CELF2: variants seen among roughly 807,000 people sequenced by gnomAD.
The protein encoded by CELF2 is CUG triplet repeat RNA-binding protein 2.
Under a neutral mutation model 62.6 loss-of-function variants are expected in CELF2, and 8 were observed. That is an observed-to-expected ratio of 0.13 (90% CI 0.07 to 0.23). CELF2 has a LOEUF of 0.23. Ranked by LOEUF, CELF2 falls within the 10% of genes least tolerant of loss-of-function variation. The pLI is 1.00. For missense variants in CELF2, 333 were observed against 671.0 expected, an observed-to-expected ratio of 0.50 and a Z score of 5.56; for synonymous variants, 258 against 250.0, an observed-to-expected ratio of 1.03 and a Z score of -0.30.
rs2091028172 is a variant in CELF2 at position 11,285,814 on chromosome 10, A to AGT, written c.842-2604_842-2603insGT. Reference sequence around the variant, plus strand: ...TCTTACATAGATTTGCTCATCACCTACTATATATATTGGTGTGTGTGTGTG... The same window carrying AGT: ...TCTTACATAGATTTGCTCATCACCTAGTCTATATATATTGGTGTGTGTGTGTG... On this transcript the variant is annotated intron_variant, in intron 8 of 12. Transcript: ENST00000633077. The surrounding 1 kb of genome is among the most constrained non-coding windows in gnomAD (Gnocchi z 4.3). Among the ~76,000 whole-genome samples, 1 of 143,028 alleles carries AGT rather than the reference A, an allele frequency of 7.0e-6. No individual in the cohort carries two copies. Among genetic ancestry groups the AGT allele is most frequent in the African/African-American group, 2.6e-5 (1 of 38,320 alleles). 93.8% of individuals were successfully genotyped at this position (143,028 alleles called of 152,430 possible).
chr10:11,006,251 T>C (rs2137157059), intron 1 of CELF2, among the ~76,000 whole-genome samples: 1 of 152,360 alleles, frequency 6.6e-6, no homozygotes, highest in South Asian at 2.1e-4. Flanking sequence ...GCTTTATTTT[T>C]TTCTTTTTCA....
In CELF2 at chr10:11,008,444, A is replaced by C. The variant is rs2055718887; in HGVS notation, c.53+3004A>C. Among the ~76,000 whole-genome samples the C allele has an allele frequency of 6.6e-6, 1 of 152,166 alleles. No individual in the cohort carries two copies. Among genetic ancestry groups the C allele is most frequent in the South Asian group, 2.1e-4 (1 of 4,822 alleles). The stretch of plus-strand genomic sequence containing the variant: ...CTTTTTTTAAAATAGGAGGGTATAC[A>C]TTTGCAAAAATCTCCTTTTGGGGCT... On this transcript the variant is annotated intron_variant, in intron 1 of 12. Coordinates refer to the CELF2 transcript ENST00000416382. The surrounding 1 kb of genome is among the most constrained non-coding windows in gnomAD (Gnocchi z 4.5).
chr10:11,274,990 C>G, intron 7 of CELF2, 67 bp from the exon 8 acceptor site: 1 of 1,444,594 alleles, frequency 6.9e-7, no homozygotes, highest in Non-Finnish European at 9.7e-7. Flanking sequence ...TGAATTTGTC[C>G]CCAGTTTAAT....
At chr10:10,583,070 C>T in the CELF2 span, among the ~76,000 whole-genome samples, 35 of 152,178 alleles carry the variant, frequency 2.3e-4, no homozygotes, top group African/African-American at 6.3e-4. Flanking sequence ...TAGACTTAAA[C>T]CTAAAGAAGA....
At chr10:11,226,013 C>G (rs2066405659) in intron 3 of CELF2, among the ~76,000 whole-genome samples, 2 of 152,192 alleles carry the variant, frequency 1.3e-5, no homozygotes, top group African/African-American at 2.4e-5. Context: ...CTAGGACTGC[C>G]CAGTTGGGTT....
chr10:10,562,304 T>A, the CELF2 span, among the ~76,000 whole-genome samples: 1 of 152,164 alleles, frequency 6.6e-6, no homozygotes, highest in East Asian at 1.9e-4. Flanking sequence ...AGACAGGCTG[T>A]GTTTCTGGCT....
the CELF2 span, among the ~76,000 whole-genome samples, chr10:10,782,115 T>A: frequency 6.6e-6 from 1 of 152,180 alleles, no homozygotes; most frequent in Admixed American, 6.5e-5. Context: ...AATTTTGGTA[T>A]TCATGGGGGT....
intron 2 of CELF2, among the ~76,000 whole-genome samples, chr10:11,200,341 T>C (rs1277560221): frequency 6.6e-6 from 1 of 152,232 alleles, no homozygotes; most frequent in South Asian, 2.1e-4. Flanking sequence ...GCTAAAAGCC[T>C]AAGAGCATGT....
chr10:10,737,276 A>G, the CELF2 span, among the ~76,000 whole-genome samples: 1 of 152,188 alleles, frequency 6.6e-6, no homozygotes, highest in African/African-American at 2.4e-5. Context: ...ATGAAGATTT[A>G]GGGGATTCTA....
At chr10:10,885,151 G>C (rs1376920870) in intron 1 of CELF2, among the ~76,000 whole-genome samples, 1 of 152,014 alleles carries the variant, frequency 6.6e-6, no homozygotes, top group Non-Finnish European at 1.5e-5. Flanking sequence ...GCTGAGGCAG[G>C]AGAATCGCTT....
the CELF2 span, among the ~76,000 whole-genome samples, chr10:10,719,545 A>G: frequency 6.6e-6 from 1 of 152,250 alleles, no homozygotes; most frequent in East Asian, 1.9e-4. Flanking sequence ...TCATTGTAAG[A>G]GTCAGCCACT....
chr10:10,466,403 G>A, the CELF2 span, among the ~76,000 whole-genome samples: 1 of 152,026 alleles, frequency 6.6e-6, no homozygotes, highest in Non-Finnish European at 1.5e-5. Context: ...TTTTATTGCT[G>A]AGTAGTATTT....
intron 1 of CELF2, among the ~76,000 whole-genome samples, chr10:11,106,578 A>T (rs951830177): frequency 1.3e-5 from 2 of 152,236 alleles, no homozygotes; most frequent in Admixed American, 6.5e-5. Context: ...CAGGAACAAT[A>T]TGTTCATTTC....
At chr10:10,627,985 C>G in the CELF2 span, among the ~76,000 whole-genome samples, 3 of 152,206 alleles carry the variant, frequency 2.0e-5, no homozygotes, top group African/African-American at 7.2e-5. Flanking sequence ...TCACTGCAGC[C>G]TCTGCCTCCT....
At chr10:11,122,513 CTG>C (rs1311487397) in intron 1 of CELF2, among the ~76,000 whole-genome samples, 3 of 152,186 alleles carry the variant, frequency 2.0e-5, no homozygotes, top group African/African-American at 7.2e-5. Context: ...CAAACAGTGA[CTG>C]TAGAAAGCCA....
At position 11,145,728 on chromosome 10, in the gene CELF2, T is replaced by A. The variant is rs2062142284; in HGVS notation, c.75-19758T>A. On this transcript the variant is annotated intron_variant, in intron 1 of 12. Transcript: ENST00000633077. The surrounding 1 kb of genome is among the most constrained non-coding windows in gnomAD (Gnocchi z 4.3). ...TTTAGAAAATCCAGCCAGGCCTCTG[T>A]GGTAGATAAGAAGTTGCTTCATTTA... Among the ~76,000 whole-genome samples the A allele has an allele frequency of 6.6e-6, 1 of 152,162 alleles. No homozygotes were observed.
chr10:10,923,543 A>G (rs2134807343), intron 2 of CELF2, among the ~76,000 whole-genome samples: 1 of 152,338 alleles, frequency 6.6e-6, no homozygotes, highest in East Asian at 1.9e-4. Flanking sequence ...ATATGTGCCC[A>G]AGGTGCTTGA....
At chr10:10,942,834 G>A (rs2047195566) in intron 2 of CELF2, among the ~76,000 whole-genome samples, 1 of 152,120 alleles carries the variant, frequency 6.6e-6, no homozygotes. Context: ...GTGGTGATGT[G>A]GATTAATACC....
chr10:11,084,045 C>A (rs776690582), intron 1 of CELF2, among the ~76,000 whole-genome samples: 6 of 152,064 alleles, frequency 3.9e-5, no homozygotes, highest in Middle Eastern at 3.2e-3. Flanking sequence ...AAGATCCGGT[C>A]CCTGCTGGTT....
Sources: gnomAD v4.1 joint callset for allele counts (sites outside exome capture counted in the v4.1 genomes callset) on GRCh38, gnomAD v4.1.1 for gene constraint, Gnocchi (gnomAD v3.1) non-coding constraint, MANE v1.5 for transcripts, NCBI Gene and HGNC (gene_info 2026-07-23, HGNC 2026-07-21) for gene names.